Variants in CLASP1 observed in about 807,000 individuals in gnomAD.
CLASP1 encodes the protein CLIP-associating protein 1.
Under a neutral mutation model 192.3 loss-of-function variants are expected in CLASP1, and 38 were observed. The ratio of observed to expected loss-of-function variants is 0.20; its 90% CI spans 0.15 to 0.26. The LOEUF is 0.26. Ranked by LOEUF, CLASP1 falls within the 10% of genes least tolerant of loss-of-function variation. The pLI, the probability that CLASP1 is intolerant of heterozygous loss-of-function variation, is 1.00. For missense variants in CLASP1, 1,433 were observed against 1,932.5 expected (o/e 0.74, Z 4.85); for synonymous variants, 691 against 712.8 (o/e 0.97, Z 0.49).
intron 2 of CLASP1, among the ~76,000 whole-genome samples, chr2:121,594,528 G>A (rs1293705939): frequency 6.6e-6 from 1 of 151,282 alleles, no homozygotes; most frequent in Non-Finnish European, 1.5e-5. Context: ...GAGTAGCTGG[G>A]ACTACAGGCA....
At position 121,464,031 on chromosome 2, in the gene CLASP1, T is replaced by G. The variant is rs1190602109; in HGVS notation, c.866-1426A>C. ...CCACAACAGTCCCCAGAGTGTGATG[T>G]TCCCCTTCCTGTGTCCATGTGTTCT... On this transcript the variant is annotated intron_variant, in intron 9 of 39. Coordinates refer to ENST00000263710, the Ensembl canonical transcript of CLASP1. Among the ~76,000 whole-genome samples, 32 of 132,176 alleles carry G rather than the reference T, an allele frequency of 2.4e-4. 1 individual carries two copies. The allele number at this position is 132,176 out of a possible 152,430, so 86.7% of individuals were successfully genotyped here.
chr2:121,467,903 T>C (rs2089965548), intron 9 of CLASP1, among the ~76,000 whole-genome samples: 2 of 152,128 alleles, frequency 1.3e-5, no homozygotes. Flanking sequence ...GATTTCCTTC[T>C]AGGGTTTTAT....
intron 34 of CLASP1, among the ~76,000 whole-genome samples, chr2:121,371,027 T>A (rs760750166): frequency 8.9e-4 from 136 of 152,134 alleles, no homozygotes; most frequent in Non-Finnish European, 1.9e-4. Context: ...AGATGGACAG[T>A]GTGATATTAC....
rs112547655 is a variant in CLASP1, at chr2:121,457,458, T to TACACACACAC, written c.1385+219_1385+228dup. ...AAACTCACTTTCTCTCACACAGACA[T>TACACACACAC]ACACACACACACACACACACACACA... On this transcript the variant is annotated intron_variant, in intron 14 of 39. Coordinates refer to ENST00000263710, the Ensembl canonical transcript of CLASP1. Among the ~76,000 whole-genome samples, 228 of 143,546 alleles carry TACACACACAC rather than the reference T, an allele frequency of 1.6e-3. 1 individual carries two copies. Among genetic ancestry groups the TACACACACAC allele is most frequent in the African/African-American group, 4.2e-3 (168 of 39,634 alleles). The allele number at this position is 143,546 out of a possible 152,430, so 94.2% of individuals were successfully genotyped here.
chr2:121,371,534 T>A (rs1388898072), intron 34 of CLASP1, among the ~76,000 whole-genome samples: 2 of 152,052 alleles, frequency 1.3e-5, no homozygotes, highest in African/African-American at 4.8e-5. Context: ...CCACCATAAT[T>A]GGAAAAAGTA....
rs1187702617 is a variant in CLASP1, at chr2:121,423,394, TA to T, written c.2212+1744del. Among the ~76,000 whole-genome samples the T allele has an allele frequency of 3.9e-5, 6 of 152,264 alleles. No individual in the cohort carries two copies. In the East Asian group the frequency reaches 1.2e-3, roughly 29 times the overall value. ...CTACACACAACACAAACTTCCTAGTTAAAACCATGGAACACATTAGAATTAT... is the reference window on the plus strand; with the variant it reads ...CTACACACAACACAAACTTCCTAGTTAAACCATGGAACACATTAGAATTAT... On this transcript the variant is annotated intron_variant, in intron 22 of 39. Transcript: ENST00000263710.
chr2:121,599,512 C>G (rs1283192205), intron 2 of CLASP1, among the ~76,000 whole-genome samples: 1 of 143,408 alleles, frequency 7.0e-6, no homozygotes, highest in Non-Finnish European at 1.5e-5. Flanking sequence ...CACTTGAACC[C>G]AGGAGGTGGA....
At chr2:121,580,499 T>G (rs908407631) in intron 2 of CLASP1, among the ~76,000 whole-genome samples, 9 of 152,356 alleles carry the variant, frequency 5.9e-5, no homozygotes, top group African/African-American at 2.2e-4. Context: ...AGATCATTTT[T>G]CTACACATTT....
At chr2:121,560,340 A>G (rs1281914188) in intron 2 of CLASP1, among the ~76,000 whole-genome samples, 1 of 152,230 alleles carries the variant, frequency 6.6e-6, no homozygotes, top group Non-Finnish European at 1.5e-5. Flanking sequence ...AAAAACTTAC[A>G]TGCAATGTTT....
intron 1 of CLASP1, among the ~76,000 whole-genome samples, chr2:121,633,550 G>C (rs866656490): frequency 1.9e-4 from 29 of 152,266 alleles, no homozygotes; most frequent in African/African-American, 6.7e-4. Flanking sequence ...TAACATGTTA[G>C]TTTCAAACAG....
chr2:121,382,452 C>T (rs1415898669), intron 32 of CLASP1, 128 bp from the exon 34 acceptor site: 1 of 631,038 alleles, frequency 1.6e-6, no homozygotes, highest in African/African-American at 1.9e-5. Context: ...TAAAGTTAAT[C>T]AGAGCAAAAT....
At chr2:121,400,297 G>C (rs924163301) in intron 28 of CLASP1, among the ~76,000 whole-genome samples, 2 of 151,924 alleles carry the variant, frequency 1.3e-5, no homozygotes, top group Non-Finnish European at 2.9e-5. Flanking sequence ...AAGGGTAATC[G>C]CTCTGGATAA....
At chr2:121,523,657 A>G (rs138117876) in intron 6 of CLASP1, among the ~76,000 whole-genome samples, 172 of 152,346 alleles carry the variant, frequency 1.1e-3, no homozygotes, top group African/African-American at 4.0e-3. Context: ...CACCGAGTCC[A>G]TGATCTTTTG....
intron 26 of CLASP1, 55 bp from the exon 28 acceptor site, chr2:121,401,925 G>A: frequency 3.1e-6 from 2 of 646,758 alleles, no homozygotes; most frequent in Non-Finnish European, 5.8e-6. Context: ...TTCCATGTTA[G>A]TTGGCAGTGA....
At chr2:121,392,976 C>T (rs920189287) in intron 30 of CLASP1, among the ~76,000 whole-genome samples, 10 of 152,206 alleles carry the variant, frequency 6.6e-5, no homozygotes, top group African/African-American at 2.4e-4. Flanking sequence ...ACAATTTAAG[C>T]ACCCCTCCCT....
At chr2:121,500,054 C>T (rs1203843306) in intron 8 of CLASP1, among the ~76,000 whole-genome samples, 1 of 152,030 alleles carries the variant, frequency 6.6e-6, no homozygotes, top group Non-Finnish European at 1.5e-5. Context: ...TTCCTATTTG[C>T]AGATGACAAG....
In CLASP1 at chr2:121,441,759, T is replaced by A. The variant is rs891471395; in HGVS notation, c.1912+5578A>T. Among the ~76,000 whole-genome samples the A allele has an allele frequency of 5.3e-5, 8 of 151,818 alleles. No individual in the cohort carries two copies. In the East Asian group the frequency reaches 7.7e-4, roughly 15 times the overall value. ...GACCCTGCCTTTAAAAAAAAAAAAA[T>A]TTCCTTCATATTTTAAAAATTTAAA... is the stretch of plus-strand genomic sequence containing the variant. On this transcript the variant is annotated intron_variant, in intron 19 of 39. Transcript: ENST00000263710.
intron 28 of CLASP1, among the ~76,000 whole-genome samples, chr2:121,399,816 T>A (rs2075877632): frequency 6.6e-6 from 1 of 152,206 alleles, no homozygotes; most frequent in African/African-American, 2.4e-5. Context: ...GAAATAGATC[T>A]GGTCATTGGT....
In CLASP1 at chr2:121,531,399, T is replaced by G. The variant is rs113212657; in HGVS notation, c.196-1074A>C. ...TCACGAGGTCAGGAGATCGAGACCA[T>G]CCTGGCTAACACAGTGAAACTCCGT... On this transcript the variant is annotated intron_variant, in intron 2 of 39. Transcript: ENST00000263710. 9.9e-5 allele frequency among the ~76,000 whole-genome samples: 15 copies of G among 151,746 alleles called. 1 individual carries two copies. Among genetic ancestry groups the G allele is most frequent in the African/African-American group, 3.4e-4 (14 of 41,358 alleles).
Sources: gnomAD v4.1 joint callset for allele counts (sites outside exome capture counted in the v4.1 genomes callset) on GRCh38, gnomAD v4.1.1 for gene constraint, MANE v1.5 for transcripts, NCBI Gene and HGNC (gene_info 2026-07-23, HGNC 2026-07-21) for gene names.